ERCC6: variants seen among roughly 807,000 people sequenced by gnomAD.
ERCC6 encodes the protein DNA excision repair protein ERCC-6.
In ERCC6, 116 loss-of-function variants were observed where a neutral mutation model predicts 158.7. That is an observed-to-expected ratio of 0.73 (90% confidence interval 0.63 to 0.85). The LOEUF (loss-of-function observed/expected upper bound fraction) is 0.85, where lower values mean the gene tolerates loss of function less well. ERCC6 is among the 40% of genes least tolerant of loss of function. The probability of loss-of-function intolerance (pLI) is 0.00; values close to 1 mark genes in which losing one functional copy is unlikely to be tolerated. For missense variants in ERCC6, 1,698 were observed against 1,799.4 expected (o/e 0.94, Z 1.02); for synonymous variants, 678 against 659.3 (o/e 1.03, Z -0.43).
At chr10:49,517,229 C>G (rs1177971510) in intron 5 of ERCC6, 4 of 1,423,974 alleles carry the variant, frequency 2.8e-6, no homozygotes, top group Non-Finnish European at 3.7e-6. Flanking sequence ...AATAATAATA[C>G]TTTCTGTATT....
chr10:49,436,598 A>AT, the ERCC6 span, among the ~76,000 whole-genome samples: 1 of 152,214 alleles, frequency 6.6e-6, no homozygotes, highest in Non-Finnish European at 1.5e-5. Flanking sequence ...TCAGAATGAG[A>AT]TTTTAAACTA....
intron 8 of ERCC6, among the ~76,000 whole-genome samples, chr10:49,489,779 A>T (rs1293997968): frequency 6.6e-6 from 1 of 152,252 alleles, no homozygotes; most frequent in Non-Finnish European, 1.5e-5. Context: ...TTTACAAGAC[A>T]GTGCTAAAGA....
chr10:49,466,844 T>C (rs1463533795), intron 18 of ERCC6, among the ~76,000 whole-genome samples: 2 of 152,200 alleles, frequency 1.3e-5, no homozygotes, highest in Non-Finnish European at 1.5e-5. Context: ...AGGAGTACAA[T>C]GGTGTGATCT....
At chr10:49,438,007 C>T in the ERCC6 span, among the ~76,000 whole-genome samples, 1 of 152,164 alleles carries the variant, frequency 6.6e-6, no homozygotes, top group Non-Finnish European at 1.5e-5. Context: ...AAATAGTTGT[C>T]ATACTGTATT....
Position 49,530,789 on chromosome 10 carries a change from G to C in ERCC6, c.474C>G (p.Ser158Arg). The part of the protein sequence containing the change: ...RQINKIIEQL[S>R]PQAATSRDIN... Reference sequence around the variant, plus strand: ...TGTCTCTGCTGGTGGCAGCTTGAGGGCTAAGCTGTTCAATAATTTTATTGA... The same window carrying C: ...TGTCTCTGCTGGTGGCAGCTTGAGGCCTAAGCTGTTCAATAATTTTATTGA... Residue 158 changes from serine to arginine, a missense_variant, in exon 3 of 21, where the codon AGC becomes AGG. By Grantham distance (110) the Ser-to-Arg change is moderately radical (BLOSUM62 -1). Coordinates refer to ENST00000355832, the MANE Select transcript of ERCC6 (RefSeq NM_000124.4). The C allele has an allele frequency of 1.2e-6, 2 of 1,613,760 alleles. No homozygotes were observed. Among genetic ancestry groups the C allele is most frequent in the Non-Finnish European group, 1.7e-6 (2 of 1,179,890 alleles).
intron 1 of ERCC6, among the ~76,000 whole-genome samples, chr10:49,535,091 G>A (rs951886201): frequency 1.3e-5 from 2 of 152,182 alleles, no homozygotes; most frequent in African/African-American, 2.4e-5. Context: ...TGATATATAG[G>A]AGGTGCTCAA....
chr10:49,520,276 C>A (rs916423391), intron 5 of ERCC6, among the ~76,000 whole-genome samples: 5 of 152,204 alleles, frequency 3.3e-5, no homozygotes, highest in Admixed American at 1.3e-4. Flanking sequence ...GTGTTAGGGG[C>A]TCCCAGTGAC....
At chr10:49,536,300 G>A (rs1837597243) in intron 1 of ERCC6, among the ~76,000 whole-genome samples, 1 of 152,090 alleles carries the variant, frequency 6.6e-6, no homozygotes, top group South Asian at 2.1e-4. Flanking sequence ...GATTTGTTGG[G>A]GGTAGGGAGA....
In ERCC6 at chr10:49,473,578, T is replaced by A; in HGVS notation, c.2608A>T (p.Ile870Leu). Reference sequence around the variant, plus strand: ...TGGGCTCTAAGGAATACTTCAAGTATGTCCAGCATCTGTTTGGAGGTGGGG... The same window carrying A: ...TGGGCTCTAAGGAATACTTCAAGTAAGTCCAGCATCTGTTTGGAGGTGGGG... ...LFSQSRQMLD[I>L]LEVFLRAQKY... The change falls in exon 14 of 21, where the codon ATA becomes TTA. Residue 870 changes from isoleucine to leucine, a missense_variant. Ile to Leu is a conservative substitution (Grantham distance 5). Transcript: ENST00000355832. 6.3e-7 allele frequency: 1 copy of A among 1,597,520 alleles called. No homozygotes were observed. Among genetic ancestry groups the A allele is most frequent in the African/African-American group, 1.3e-5 (1 of 74,668 alleles).
At chr10:49,503,538 A>G (rs1439132023) in intron 6 of ERCC6, 1 of 152,094 alleles carries the variant, frequency 6.6e-6, no homozygotes. Context: ...TTTAAAGGAA[A>G]TTCACTTGCA....
chr10:49,513,050 T>A (rs1418120057), intron 5 of ERCC6, among the ~76,000 whole-genome samples: 1 of 152,214 alleles, frequency 6.6e-6, no homozygotes, highest in Non-Finnish European at 1.5e-5. Context: ...CTTGGTGGAA[T>A]CTTTGTGGTA....
intron 4 of ERCC6, among the ~76,000 whole-genome samples, chr10:49,528,058 A>G (rs1448541416): frequency 2.6e-5 from 4 of 152,236 alleles, no homozygotes; most frequent in Non-Finnish European, 5.9e-5. Context: ...CGTGAGAGCC[A>G]TTCTACAAAT....
In ERCC6 at chr10:49,458,855, C is replaced by T; in HGVS notation, c.4442G>A (p.Gly1481Asp). ...RNLCTFHRTSGGEGIWKLKPE... is the reference protein window; with the variant it reads ...RNLCTFHRTSDGEGIWKLKPE... ...CTTGAGTTTCCAAATTCCTTCACCA[C>T]CAGAAGTTCTATGGAAAGTGCACAG... Residue 1481 changes from glycine (G) to aspartate (D), a missense_variant, in exon 21 of 21, where the codon GGT becomes GAT. Physicochemically the swap from Gly to Asp is moderately conservative, Grantham distance 94. Coordinates refer to ENST00000355832, the MANE Select transcript of ERCC6 (RefSeq NM_000124.4). 1 of 1,614,182 alleles carries T rather than the reference C, an allele frequency of 6.2e-7. No individual in the cohort carries two copies. The highest frequency in any genetic ancestry group is 8.5e-7 in the Non-Finnish European group (1 of 1,180,020).
At chr10:49,489,662 C>G (rs146020207) in intron 8 of ERCC6, among the ~76,000 whole-genome samples, 1 of 151,606 alleles carries the variant, frequency 6.6e-6, no homozygotes, top group African/African-American at 2.4e-5. Flanking sequence ...CTAGAGACTA[C>G]GTAGCAAAAA....
chr10:49,507,823 T>G (rs926424642), intron 5 of ERCC6, among the ~76,000 whole-genome samples: 1 of 152,044 alleles, frequency 6.6e-6, no homozygotes, highest in Admixed American at 6.6e-5. Context: ...CCCAAACCCC[T>G]CGGTAAAAAG....
At chr10:49,528,310 C>T (rs1024523264) in intron 4 of ERCC6, 107 bp downstream of exon 4, 22 of 1,334,670 alleles carry the variant, frequency 1.6e-5, no homozygotes, top group East Asian at 1.2e-4. Context: ...GGCAAAGAAA[C>T]GTATTTTTCT....
At chr10:49,471,419 C>T (rs1215776424) in intron 16 of ERCC6, among the ~76,000 whole-genome samples, 2 of 152,146 alleles carry the variant, frequency 1.3e-5, no homozygotes, top group African/African-American at 4.8e-5. Context: ...CATCATGTGA[C>T]TCATAGTCTC....
At chr10:49,514,816 A>T (rs1836899443) in intron 5 of ERCC6, among the ~76,000 whole-genome samples, 1 of 152,232 alleles carries the variant, frequency 6.6e-6, no homozygotes, top group South Asian at 2.1e-4. Flanking sequence ...TATTTCAGAC[A>T]GCTAAGAATG....
At chr10:49,483,782 ATTATTT>A (rs1000496087) in intron 8 of ERCC6, among the ~76,000 whole-genome samples, 2 of 151,366 alleles carry the variant, frequency 1.3e-5, no homozygotes, top group Admixed American at 6.6e-5. Context: ...ATATTAAATT[ATTATTT>A]TTATTTTTTC....
Sources: allele counts gnomAD v4.1 joint callset (sites outside exome capture counted in the v4.1 genomes callset), GRCh38; gene constraint gnomAD v4.1.1; transcripts MANE v1.5; gene names NCBI Gene and HGNC (gene_info 2026-07-23, HGNC 2026-07-21).